The following HCK variants were observed in gnomAD, a reference collection of about 807,000 sequenced individuals.
HCK encodes HCK proto-oncogene, Src family tyrosine kinase, also known as tyrosine-protein kinase HCK.
HCK carries 40 observed loss-of-function variants against 70.4 expected under a neutral mutation model. The observed-to-expected ratio is 0.57, with a 90% CI of 0.44 to 0.74. The LOEUF (loss-of-function observed/expected upper bound fraction) is 0.74, where lower values mean the gene tolerates loss of function less well. Among genes scored for constraint, HCK ranks in the 30% least tolerant of loss-of-function variants. The probability of loss-of-function intolerance (pLI) is 0.00; values close to 1 mark genes in which losing one functional copy is unlikely to be tolerated. For synonymous variants in HCK, 245 were observed against 263.2 expected, an observed-to-expected ratio of 0.93 and a Z score of 0.67; for missense variants, 568 against 697.2, an observed-to-expected ratio of 0.81 and a Z score of 2.09.
intron 5 of HCK, among the ~76,000 whole-genome samples, chr20:32,079,089 G>C (rs1040835516): frequency 1.3e-5 from 2 of 152,160 alleles, no homozygotes; most frequent in African/African-American, 4.8e-5. Flanking sequence ...CCCCAGTGAA[G>C]GTGGGAATGG....
intron 3 of HCK, 123 bp from the exon 4 acceptor site, chr20:32,073,593 C>A (rs2045575476): frequency 2.9e-6 from 2 of 688,508 alleles, no homozygotes; most frequent in East Asian, 2.7e-5. Flanking sequence ...TGGTGAGACG[C>A]CTACTTATAC....
intron 1 of HCK, among the ~76,000 whole-genome samples, chr20:32,060,912 A>AG (rs1265925808): frequency 2.8e-5 from 1 of 35,788 alleles, no homozygotes; most frequent in Non-Finnish European, 1.3e-4. Context: ...AAAGGAAGGA[A>AG]GAAGAAAGGA....
At chr20:32,057,458 G>C (rs1394037118) in intron 1 of HCK, among the ~76,000 whole-genome samples, 4 of 152,130 alleles carry the variant, frequency 2.6e-5, no homozygotes, top group Non-Finnish European at 5.9e-5. Flanking sequence ...AAATTAGCTG[G>C]GTGTGGTGGC....
intron 1 of HCK, among the ~76,000 whole-genome samples, chr20:32,060,936 G>A (rs915677329): frequency 1.3e-5 from 2 of 151,820 alleles, no homozygotes; most frequent in African/African-American, 2.4e-5. Context: ...AAAGGAGGAC[G>A]TGTCTTGGAC....
chr20:32,090,669 G>C (rs1330513058), intron 10 of HCK, among the ~76,000 whole-genome samples: 1 of 152,072 alleles, frequency 6.6e-6, no homozygotes, highest in African/African-American at 2.4e-5. Flanking sequence ...CAAACCCAAG[G>C]GTGCCCAACC....
At chr20:32,064,688 A>G (rs935166184) in intron 1 of HCK, among the ~76,000 whole-genome samples, 2 of 152,180 alleles carry the variant, frequency 1.3e-5, no homozygotes, top group Non-Finnish European at 2.9e-5. Context: ...TCTCCAGCCC[A>G]CTGGATGGAT....
chr20:32,057,439 A>C lies in HCK; in HGVS notation c.62+4953A>C, dbSNP rs6142601. Reference sequence around the variant, plus strand: ...ACATGGCAAAACCCTGTCTCTACAAAAAGTACAAAAATTAGCTGGGTGTGG... The same window carrying C: ...ACATGGCAAAACCCTGTCTCTACAACAAGTACAAAAATTAGCTGGGTGTGG... On this transcript the variant is annotated intron_variant, in intron 1 of 12. Transcript: ENST00000375852. Among the ~76,000 whole-genome samples, 79 of 152,272 alleles carry C rather than the reference A, an allele frequency of 5.2e-4. 3 individuals are homozygous for C. The East Asian group carries it at 0.015, about 29-fold the overall frequency.
intron 1 of HCK, among the ~76,000 whole-genome samples, chr20:32,061,096 T>G (rs535587649): frequency 2.5e-3 from 385 of 152,164 alleles, no homozygotes; most frequent in Non-Finnish European, 4.2e-3. Context: ...CAATTCTCCT[T>G]CCTCAGCCTC....
At chr20:32,058,836 G>C (rs1043790967) in intron 1 of HCK, among the ~76,000 whole-genome samples, 1 of 152,206 alleles carries the variant, frequency 6.6e-6, no homozygotes, top group African/African-American at 2.4e-5. Flanking sequence ...GCGGGCACCT[G>C]GAGCTCAATC....
At chr20:32,094,044 G>T (rs752794859) in intron 11 of HCK, 28 bp downstream of exon 11, 2 of 1,599,876 alleles carry the variant, frequency 1.3e-6, no homozygotes, top group East Asian at 4.5e-5. Context: ...GCAGCCCCAC[G>T]TTGCCCATTT....
At chr20:32,092,584 G>A (rs1174587712) in intron 10 of HCK, among the ~76,000 whole-genome samples, 4 of 152,028 alleles carry the variant, frequency 2.6e-5, no homozygotes, top group Admixed American at 2.0e-4. Context: ...AACATGTCAC[G>A]CTCCTGCTCG....
rs751099785 is a variant in HCK, at chr20:32,084,489, T to A, written c.781T>A (p.Ser261Thr). The A allele has an allele frequency of 6.2e-6, 10 of 1,613,912 alleles. No individual in the cohort carries two copies. Among genetic ancestry groups the A allele is most frequent in the Non-Finnish European group, 8.5e-6 (10 of 1,179,974 alleles). Residue 261 changes from serine to threonine, a missense_variant, in exon 8 of 13, where the codon TCC becomes ACC. Around this residue, in one of 4 missense-constraint regions of HCK, gnomAD observed 13 missense variants for 38.8 expected, o/e 0.34. Transcript: ENST00000375852. ...AGATGCCTGGGAGATCCCTCGGGAATCCCTCAAGCTGGAGAAGAAACTTGG... is the reference window on the plus strand; with the variant it reads ...AGATGCCTGGGAGATCCCTCGGGAAACCCTCAAGCTGGAGAAGAAACTTGG...
rs1216811718 is a variant in HCK at position 32,083,982 on chromosome 20, C to T, written c.621C>T (p.Gly207=). Reference sequence around the variant, plus strand: ...AGATCCGGACCCTGGACAACGGGGGCTTCTACATATCCCCCCGAAGCACCT... The same window carrying T: ...AGATCCGGACCCTGGACAACGGGGGTTTCTACATATCCCCCCGAAGCACCT... Residue 207 remains glycine (G), a synonymous_variant, in exon 7 of 13, where the codon GGC becomes GGT. Transcript: ENST00000375852. The T allele has an allele frequency of 6.2e-7, 1 of 1,613,962 alleles. No individual in the cohort carries two copies. Among genetic ancestry groups the T allele is most frequent in the African/African-American group, 1.3e-5 (1 of 74,920 alleles).
At chr20:32,071,592 C>G (rs2045539196) in intron 1 of HCK, 70 bp from the exon 2 acceptor site, 1 of 1,574,836 alleles carries the variant, frequency 6.3e-7, no homozygotes, top group African/African-American at 1.4e-5. Flanking sequence ...ACCTGGAATG[C>G]CAGCATCAGA....
chr20:32,095,272 C>A (rs1444019815), intron 11 of HCK, among the ~76,000 whole-genome samples: 1 of 150,294 alleles, frequency 6.7e-6, no homozygotes, highest in Non-Finnish European at 1.5e-5. Context: ...TTTTTTTTTT[C>A]TTTGAGATGG....
chr20:32,093,846 C>G lies in HCK; in HGVS notation c.1093-17C>G. On this transcript the variant is annotated splice_polypyrimidine_tract_variant and intron_variant, in intron 10 of 12. Transcript: ENST00000375852. ...AGGCCAGGTCTGAGGACAAAGGTGTCTCTGTTTGGGGTGCAGATTGCAGAA... is the reference window on the plus strand; with the variant it reads ...AGGCCAGGTCTGAGGACAAAGGTGTGTCTGTTTGGGGTGCAGATTGCAGAA... 1 of 1,604,982 alleles carries G rather than the reference C, an allele frequency of 6.2e-7. No homozygotes were observed. Among genetic ancestry groups the G allele is most frequent in the Non-Finnish European group, 8.5e-7 (1 of 1,175,674 alleles).
intron 1 of HCK, among the ~76,000 whole-genome samples, chr20:32,058,520 A>T (rs2045309014): frequency 8.0e-6 from 1 of 125,054 alleles, no homozygotes; most frequent in South Asian, 2.8e-4. Context: ...TGACAACAGC[A>T]AGACTCTGTC....
chr20:32,054,893 TC>T (rs1223863332), intron 1 of HCK, among the ~76,000 whole-genome samples: 1 of 152,230 alleles, frequency 6.6e-6, no homozygotes, highest in Admixed American at 6.5e-5. Context: ...ATTTGCCCCA[TC>T]TTATCATTAA....
At chr20:32,077,250 C>G (rs987379342) in intron 5 of HCK, among the ~76,000 whole-genome samples, 8 of 152,106 alleles carry the variant, frequency 5.3e-5, no homozygotes, top group Admixed American at 2.0e-4. Flanking sequence ...CTCTCATTCT[C>G]CCTTGAAATA....
Sources: allele counts gnomAD v4.1 joint callset (sites outside exome capture counted in the v4.1 genomes callset), GRCh38; gene constraint gnomAD v4.1.1; regional missense constraint gnomAD v4.1.1; transcripts MANE v1.5; gene names NCBI Gene and HGNC (gene_info 2026-07-23, HGNC 2026-07-21).